The following STK17B variants were observed in gnomAD, a reference collection of about 807,000 sequenced individuals.
The protein encoded by STK17B is serine/threonine kinase 17b.
STK17B carries 21 observed loss-of-function variants against 42.0 expected under a neutral mutation model. That is an observed-to-expected ratio of 0.50 (90% CI 0.35 to 0.72). STK17B has a LOEUF of 0.72. Among genes scored for constraint, STK17B ranks in the 30% least tolerant of loss-of-function variants. The probability of loss-of-function intolerance (pLI) is 0.00; values close to 1 mark genes in which losing one functional copy is unlikely to be tolerated. For synonymous variants in STK17B, 143 were observed against 148.4 expected, an observed-to-expected ratio of 0.96 and a Z score of 0.26; for missense variants, 349 against 446.0, an observed-to-expected ratio of 0.78 and a Z score of 1.96.
chr2:196,164,846 A>G (rs1373763737), intron 1 of STK17B, among the ~76,000 whole-genome samples: 1 of 152,210 alleles, frequency 6.6e-6, no homozygotes, highest in African/African-American at 2.4e-5. Flanking sequence ...TCACATAACT[A>G]GATAGTAAAA....
intron 3 of STK17B, chr2:196,154,729 A>G (rs1699716358): frequency 1.3e-5 from 2 of 152,222 alleles, no homozygotes; most frequent in African/African-American, 4.8e-5. Flanking sequence ...CACTACTAAA[A>G]CAACTAAACC....
intron 3 of STK17B, among the ~76,000 whole-genome samples, chr2:196,146,453 G>T (rs182425578): frequency 6.7e-4 from 102 of 152,212 alleles, no homozygotes; most frequent in Non-Finnish European, 1.1e-3. Context: ...GCAGTGAGCC[G>T]AGATGGCACC....
At chr2:196,171,112 C>G (rs1268674452) in intron 1 of STK17B, 1 of 152,580 alleles carries the variant, frequency 6.6e-6, no homozygotes, top group African/African-American at 2.4e-5. Flanking sequence ...CCGGCCGCCC[C>G]CCGCGCGGAG....
intron 1 of STK17B, among the ~76,000 whole-genome samples, chr2:196,169,745 T>A (rs1432051129): frequency 1.3e-5 from 2 of 152,210 alleles, no homozygotes; most frequent in African/African-American, 4.8e-5. Context: ...CAAATCGTAA[T>A]TCACTAATCA....
upstream of STK17B, among the ~76,000 whole-genome samples, chr2:196,172,699 T>A (rs927971771): frequency 1.7e-4 from 26 of 152,228 alleles, no homozygotes; most frequent in Non-Finnish European, 2.1e-4. Flanking sequence ...TTAGGTTAAC[T>A]CCTCCTCCCA....
intron 3 of STK17B, among the ~76,000 whole-genome samples, chr2:196,148,064 G>A (rs1177803093): frequency 6.6e-6 from 1 of 152,000 alleles, no homozygotes; most frequent in Non-Finnish European, 1.5e-5. Flanking sequence ...AACATATCAT[G>A]ATAAAGATAA....
intron 5 of STK17B, among the ~76,000 whole-genome samples, chr2:196,141,887 T>G (rs935882139): frequency 6.7e-6 from 1 of 150,012 alleles, no homozygotes; most frequent in Non-Finnish European, 1.5e-5. Context: ...AAAAAACAAT[T>G]ATAAAAAAGT....
chr2:196,163,439 A>G lies in STK17B; in HGVS notation c.-44-12T>C. 6.6e-7 allele frequency: 1 copy of G among 1,522,812 alleles called. No homozygotes were observed. Among genetic ancestry groups the G allele is most frequent in the Non-Finnish European group, 8.8e-7 (1 of 1,142,660 alleles). The allele number at this position is 1,522,812 out of a possible 1,614,324, so 94.3% of individuals were successfully genotyped here. On this transcript the variant is annotated splice_polypyrimidine_tract_variant and intron_variant, in intron 1 of 7. Transcript: ENST00000263955. ...TCACTTATTTTTACCTATGCAAAAAAAGAGAATACAGAGAAAAGATGTTAT... is the reference window on the plus strand; with the variant it reads ...TCACTTATTTTTACCTATGCAAAAAGAGAGAATACAGAGAAAAGATGTTAT...
intron 5 of STK17B, among the ~76,000 whole-genome samples, chr2:196,142,809 C>G (rs761135133): frequency 5.3e-5 from 8 of 152,170 alleles, no homozygotes; most frequent in Non-Finnish European, 1.0e-4. Context: ...CTAGCTGAGT[C>G]GCATCTGTTC....
In STK17B at chr2:196,146,100, T is replaced by C. The variant is rs372619047; in HGVS notation, c.336-45A>G. On this transcript the variant is annotated intron_variant, in intron 3 of 7. Coordinates refer to ENST00000263955, the MANE Select transcript of STK17B (RefSeq NM_004226.4). ...ACAGAGACTTGAAAATTCATTCACC[T>C]AAACACTTTTAAATATTGTGTACCT... 85 of 1,500,340 alleles carry C rather than the reference T, an allele frequency of 5.7e-5. No homozygotes were observed. In the African/African-American group the frequency reaches 9.4e-4, roughly 17 times the overall value. The allele number at this position is 1,500,340 out of a possible 1,614,324, so 92.9% of individuals were successfully genotyped here. A position where few individuals can be genotyped will look rare whatever the true frequency, so the allele number is the denominator to read the frequency against.
chr2:196,157,551 A>G (rs964592535), intron 2 of STK17B, among the ~76,000 whole-genome samples: 1 of 152,208 alleles, frequency 6.6e-6, no homozygotes, highest in African/African-American at 2.4e-5. Flanking sequence ...TCTCTTAGTA[A>G]TGCTCAGTAG....
intron 3 of STK17B, 76 bp from the exon 4 acceptor site, chr2:196,146,131 G>A (rs1699571030): frequency 2.9e-6 from 4 of 1,381,462 alleles, no homozygotes; most frequent in Admixed American, 3.1e-5. Context: ...TACCTGTTAA[G>A]TAAAAGACAT....
At chr2:196,168,758 T>C (rs1290698380) in intron 1 of STK17B, among the ~76,000 whole-genome samples, 1 of 152,190 alleles carries the variant, frequency 6.6e-6, no homozygotes, top group African/African-American at 2.4e-5. Context: ...TTACAACATA[T>C]TTAAATAAAA....
chr2:196,161,120 G>A (rs994226743), intron 2 of STK17B, among the ~76,000 whole-genome samples: 17 of 151,936 alleles, frequency 1.1e-4, no homozygotes, highest in Non-Finnish European at 1.2e-4. Flanking sequence ...TTTCCCCATC[G>A]CTGAAGCATT....
intron 5 of STK17B, among the ~76,000 whole-genome samples, chr2:196,142,285 T>G (rs1306588361): frequency 2.0e-5 from 3 of 152,190 alleles, no homozygotes; most frequent in Admixed American, 2.0e-4. Flanking sequence ...CTCGAACTCC[T>G]GACTTCAAGT....
chr2:196,140,884 G>A (rs1481818435), intron 6 of STK17B, among the ~76,000 whole-genome samples: 1 of 152,146 alleles, frequency 6.6e-6, no homozygotes, highest in Non-Finnish European at 1.5e-5. Flanking sequence ...ACCTAGATCA[G>A]ATGTCTCCCT....
At chr2:196,165,063 G>A (rs1015516147) in intron 1 of STK17B, among the ~76,000 whole-genome samples, 3 of 152,138 alleles carry the variant, frequency 2.0e-5, no homozygotes, top group African/African-American at 7.2e-5. Context: ...GGGCTGAATT[G>A]TGTCCTCCCC....
chr2:196,174,807 C>T (rs925486983), upstream of STK17B, among the ~76,000 whole-genome samples: 1 of 152,222 alleles, frequency 6.6e-6, no homozygotes, highest in Non-Finnish European at 1.5e-5. Context: ...ACCTCACATC[C>T]CCTGACTCTC....
rs993965364 is a variant in STK17B, at chr2:196,151,085, G to A, written c.336-5030C>T. Among the ~76,000 whole-genome samples the A allele has an allele frequency of 3.3e-5, 5 of 152,032 alleles. No homozygotes were observed. The East Asian group carries it at 9.6e-4, about 29-fold the overall frequency. ...TTACAGTCTCCATCCTTTTCTGTTG[G>A]GTACTTAATATTTACTTAGAGATGT... On this transcript the variant is annotated intron_variant, in intron 3 of 7. Transcript: ENST00000263955.
Sources: allele counts gnomAD v4.1 joint callset (sites outside exome capture counted in the v4.1 genomes callset), GRCh38; gene constraint gnomAD v4.1.1; transcripts MANE v1.5; gene names NCBI Gene and HGNC (gene_info 2026-07-23, HGNC 2026-07-21).